The following MYO1E variants were observed in gnomAD, a reference collection of about 807,000 sequenced individuals.
MYO1E encodes the protein unconventional myosin-Ie.
A neutral mutation model predicts 151.1 loss-of-function variants in MYO1E; 68 were observed. The observed-to-expected ratio is 0.45, with a 90% CI of 0.37 to 0.55. MYO1E has a LOEUF of 0.55. Ranked by LOEUF, MYO1E falls within the 20% of genes least tolerant of loss-of-function variation. MYO1E has a pLI of 0.00. For synonymous variants in MYO1E, 601 were observed against 501.7 expected (o/e 1.20, Z -2.64); for missense variants, 1,363 against 1,389.3 (o/e 0.98, Z 0.30).
At chr15:59,170,078 T>C (rs1396560778) in intron 22 of MYO1E, among the ~76,000 whole-genome samples, 1 of 152,098 alleles carries the variant, frequency 6.6e-6, no homozygotes, top group African/African-American at 2.4e-5. Flanking sequence ...GGAGAACCAC[T>C]TGGACCAGGG....
intron 19 of MYO1E, among the ~76,000 whole-genome samples, chr15:59,176,199 C>T (rs1346157282): frequency 6.6e-6 from 1 of 152,092 alleles, no homozygotes; most frequent in African/African-American, 2.4e-5. Flanking sequence ...GCTGGGACTA[C>T]AGGCGCCCGC....
At position 59,159,965 on chromosome 15, in the gene MYO1E, C is replaced by G. The variant is rs1384676776; in HGVS notation, c.2785+1108G>C. ...GTTCAAGCAATTCTCCTGCCTCAGC[C>G]TCCCAAGTAGCTGGGACTACAGGCA... is the stretch of plus-strand genomic sequence containing the variant. On this transcript the variant is annotated intron_variant, in intron 24 of 27. Transcript: ENST00000288235. This position sits in a 1 kb window ranked among gnomAD's most constrained non-coding sequence, Gnocchi z 4.4. Among the ~76,000 whole-genome samples, 1 of 152,216 alleles carries G rather than the reference C, an allele frequency of 6.6e-6. No individual in the cohort carries two copies. The highest frequency in any genetic ancestry group is 1.9e-4 in the East Asian group (1 of 5,188).
chr15:59,240,811 GACAA>G (rs1409555460), intron 4 of MYO1E, among the ~76,000 whole-genome samples: 3 of 152,124 alleles, frequency 2.0e-5, no homozygotes, highest in Non-Finnish European at 4.4e-5. Flanking sequence ...GTTTAAAAAG[GACAA>G]ACACTTAAAA....
chr15:59,182,892 G>A (rs1487071210), intron 18 of MYO1E, among the ~76,000 whole-genome samples: 2 of 152,174 alleles, frequency 1.3e-5, no homozygotes, highest in Non-Finnish European at 2.9e-5. Context: ...GGGGTTGTGG[G>A]GATGGTTTTG....
chr15:59,178,344 C>T lies in MYO1E; in HGVS notation c.2049+49G>A, dbSNP rs200861116. 1.8e-5 allele frequency: 29 copies of T among 1,607,868 alleles called. No individual in the cohort carries two copies. The East Asian group carries it at 2.2e-4, about 12-fold the overall frequency. ...CAGCTGAGGGGTGGAGCAGGGCTGG[C>T]GGGGGCCCCGCGGGAGGGAAGAGAG... On this transcript the variant is annotated intron_variant, in intron 19 of 27. Transcript: ENST00000288235.
At chr15:59,179,112 T>G (rs2079643039) in intron 18 of MYO1E, among the ~76,000 whole-genome samples, 1 of 152,150 alleles carries the variant, frequency 6.6e-6, no homozygotes, top group Non-Finnish European at 1.5e-5. Context: ...CTCTTCTTCA[T>G]GCCCACCATG....
chr15:59,142,414 C>T (rs1263686644), intron 26 of MYO1E, among the ~76,000 whole-genome samples: 11 of 152,198 alleles, frequency 7.2e-5, no homozygotes, highest in Admixed American at 7.2e-4. Flanking sequence ...GAAGACAAGA[C>T]GGATGGCTCC....
Position 59,137,559 on chromosome 15 carries a change from T to C in MYO1E, c.3251-103A>G, listed in dbSNP as rs140024706. Reference sequence around the variant, plus strand: ...GGCTCAAGTGATTTGGCTCCATCCATGTTGTTTTCCCTTTGTTCTTTAAAT... The same window carrying C: ...GGCTCAAGTGATTTGGCTCCATCCACGTTGTTTTCCCTTTGTTCTTTAAAT... On this transcript the variant is annotated intron_variant, in intron 27 of 27. Transcript: ENST00000288235. 45 of 940,436 alleles carry C rather than the reference T, an allele frequency of 4.8e-5. No individual in the cohort carries two copies. In the African/African-American group the frequency reaches 6.5e-4, roughly 13 times the overall value. 58.3% of individuals were successfully genotyped at this position (940,436 alleles called of 1,614,324 possible). A position where few individuals can be genotyped will look rare whatever the true frequency, so the allele number is the denominator to read the frequency against.
intron 1 of MYO1E, among the ~76,000 whole-genome samples, chr15:59,303,185 G>C (rs2080493215): frequency 6.6e-6 from 1 of 152,186 alleles, no homozygotes; most frequent in South Asian, 2.1e-4. Context: ...ATGTCAGCTT[G>C]ATAAAATCCA....
Position 59,138,333 on chromosome 15 carries a change from C to G in MYO1E, c.3115G>C (p.Ala1039Pro), listed in dbSNP as rs756390637. 2 of 1,614,186 alleles carry G rather than the reference C, an allele frequency of 1.2e-6. No homozygotes were observed. Among genetic ancestry groups the G allele is most frequent in the African/African-American group, 1.3e-5 (1 of 75,058 alleles). Residue 1039 changes from alanine (A) to proline (P), a missense_variant, in exon 27 of 28, where the codon GCA (alanine) becomes CCA (proline). Physicochemically the swap from Ala to Pro is conservative, Grantham distance 27. Coordinates refer to ENST00000288235, the MANE Select transcript of MYO1E (RefSeq NM_004998.4). ...RRQTTSRPPP[A>P]GGRPKPQPKP... ...GGCTGGGGCTTGGGTCTGCCCCCTG[C>G]TGGGGGAGGCCGACTGGTTGTTTGT...
intron 19 of MYO1E, among the ~76,000 whole-genome samples, chr15:59,177,573 T>C (rs1362792140): frequency 1.3e-5 from 2 of 152,246 alleles, no homozygotes; most frequent in East Asian, 1.9e-4. Flanking sequence ...ACGATGATGC[T>C]GAGCCTCGGT....
chr15:59,169,723 C>T (rs1236759025), intron 22 of MYO1E, among the ~76,000 whole-genome samples: 2 of 152,048 alleles, frequency 1.3e-5, no homozygotes, highest in Non-Finnish European at 2.9e-5. Context: ...GATTATATCC[C>T]CAGAGGCTGT....
rs374917616 is a variant in MYO1E at position 59,173,741 on chromosome 15, C to T, written c.2334+5G>A. ...TGATCTCAGAGGCAGGCAGTTAGCA[C>T]GTACCTTGAACCTCCTGTCATACTT... On this transcript the variant is annotated splice_donor_5th_base_variant and intron_variant, in intron 21 of 27. Coordinates refer to ENST00000288235, the MANE Select transcript of MYO1E (RefSeq NM_004998.4). The T allele has an allele frequency of 8.1e-6, 13 of 1,613,914 alleles. No individual in the cohort carries two copies. Among genetic ancestry groups the T allele is most frequent in the Middle Eastern group, 1.6e-4 (1 of 6,082 alleles).
chr15:59,217,991 G>C lies in MYO1E; in HGVS notation c.1007C>G (p.Ser336Cys). The change falls in exon 10 of 28, where the codon TCC (serine) becomes TGC (cysteine). Residue 336 changes from serine (S) to cysteine (C), a missense_variant. Coordinates refer to ENST00000288235, the MANE Select transcript of MYO1E (RefSeq NM_004998.4). ...GTTGAGGGTCACGTGGATGGATTCG[G>C]ATTTGCCTCCCCACTTGCTATCCAT... Reference protein sequence around the residue: ...RQMDSKWGGKSESIHVTLNVE... With the variant: ...RQMDSKWGGKCESIHVTLNVE... 6.2e-7 allele frequency: 1 copy of C among 1,614,222 alleles called. No homozygotes were observed. Among genetic ancestry groups the C allele is most frequent in the East Asian group, 2.2e-5 (1 of 44,884 alleles).
chr15:59,207,434 T>C (rs201855273), intron 14 of MYO1E: 64 of 1,613,922 alleles, frequency 4.0e-5, no homozygotes, highest in Non-Finnish European at 1.1e-5. Flanking sequence ...AATGTGGCCA[T>C]CTTCAAGTTA....
chr15:59,193,402 A>C (rs755556835), intron 17 of MYO1E, among the ~76,000 whole-genome samples: 9 of 152,224 alleles, frequency 5.9e-5, no homozygotes, highest in Admixed American at 2.6e-4. Context: ...CCTGGGTGTA[A>C]GCATTTTACA....
chr15:59,226,356 T>C (rs9672463), intron 7 of MYO1E, among the ~76,000 whole-genome samples: 146,830 of 152,302 alleles, frequency 0.96, 71,024 homozygotes, highest in East Asian at 1. Context: ...AAACACGAAA[T>C]GAAACAAAAC....
chr15:59,287,301 C>T (rs12591084), intron 1 of MYO1E, among the ~76,000 whole-genome samples: 1 of 152,040 alleles, frequency 6.6e-6, no homozygotes, highest in African/African-American at 2.4e-5. Context: ...AAGGCAAGCA[C>T]TGCAGCATGC....
chr15:59,184,552 G>A (rs2079684517), intron 18 of MYO1E, among the ~76,000 whole-genome samples: 1 of 151,614 alleles, frequency 6.6e-6, no homozygotes, highest in African/African-American at 2.4e-5. Flanking sequence ...GTAGAGACAG[G>A]GTTTCACCAC....
Sources: allele counts gnomAD v4.1 joint callset (sites outside exome capture counted in the v4.1 genomes callset), GRCh38; gene constraint gnomAD v4.1.1; non-coding constraint Gnocchi (gnomAD v3.1); transcripts MANE v1.5; gene names NCBI Gene and HGNC (gene_info 2026-07-23, HGNC 2026-07-21).